The following FANCB variants were observed in gnomAD, a reference collection of about 807,000 sequenced individuals.
FANCB encodes Fanconi anemia group B protein.
A neutral mutation model predicts 38.9 loss-of-function variants in FANCB; 5 were observed. That is an observed-to-expected ratio of 0.13 (90% CI 0.07 to 0.27). The LOEUF (loss-of-function observed/expected upper bound fraction) is 0.27. Among genes scored for constraint, FANCB ranks in the 10% least tolerant of loss-of-function variants. The pLI, the probability that FANCB is intolerant of heterozygous loss-of-function variation, is 1.00. For missense variants in FANCB, 573 were observed against 602.7 expected (o/e 0.95, Z 0.52); for synonymous variants, 236 against 215.4 (o/e 1.10, Z -0.84).
chrX:14,788,965 C>CT, the FANCB span, among the ~76,000 whole-genome samples: 24 of 112,171 alleles, frequency 2.1e-4, no homozygotes, highest in Non-Finnish European at 3.2e-4. Context: ...TAAAAAAGAA[C>CT]TTTTCTTCAA....
the FANCB span, among the ~76,000 whole-genome samples, chrX:14,747,580 T>C: frequency 5.3e-5 from 6 of 112,638 alleles, no homozygotes; most frequent in African/African-American, 1.6e-4. Context: ...CAAATACAAC[T>C]GGCATTTAGA....
At chrX:14,735,321 T>C in the FANCB span, among the ~76,000 whole-genome samples, 1 of 111,251 alleles carries the variant, frequency 9.0e-6, no homozygotes, top group Non-Finnish European at 1.9e-5. Context: ...ATTCTGTTTT[T>C]CGGAATTTTC....
chrX:14,710,566 T>A, the FANCB span, among the ~76,000 whole-genome samples: 3 of 112,044 alleles, frequency 2.7e-5, no homozygotes, highest in Admixed American at 9.5e-5. Context: ...AAGGGACTTG[T>A]TGCCTAATTA....
At chrX:14,859,144 G>T (rs771795311) in intron 4 of FANCB, 38 bp downstream of exon 4, 2 of 1,000,236 alleles carry the variant, frequency 2.0e-6, no homozygotes, top group Non-Finnish European at 1.4e-6. Context: ...TTCTAAAATG[G>T]TTCTTAAAAT....
the FANCB span, among the ~76,000 whole-genome samples, chrX:14,757,363 A>G: frequency 1.8e-5 from 2 of 111,951 alleles, no homozygotes; most frequent in Non-Finnish European, 3.8e-5. Context: ...TGTCACTCGG[A>G]TGGACAGAGC....
the FANCB span, among the ~76,000 whole-genome samples, chrX:14,827,428 C>G: frequency 8.9e-6 from 1 of 111,825 alleles, no homozygotes; most frequent in Non-Finnish European, 1.9e-5. Context: ...TTTTTTCATT[C>G]AGATCTTACA....
chrX:14,849,773 T>G (rs2092392938), intron 7 of FANCB, among the ~76,000 whole-genome samples: 1 of 111,874 alleles, frequency 8.9e-6, no homozygotes, highest in Non-Finnish European at 1.9e-5. Context: ...CTATAGCATC[T>G]TAATTTCATA....
intron 10 of FANCB, among the ~76,000 whole-genome samples, chrX:14,837,661 G>A (rs1477661567): frequency 8.9e-6 from 1 of 112,215 alleles, no homozygotes. Flanking sequence ...TGTATTATGT[G>A]CAACTTTTCC....
chrX:14,789,210 T>C, the FANCB span, among the ~76,000 whole-genome samples: 1 of 111,874 alleles, frequency 8.9e-6, no homozygotes, highest in Non-Finnish European at 1.9e-5. Context: ...TGCTGGGGTA[T>C]ATTGTCTCAG....
At position 14,850,676 on chromosome X, in the gene FANCB, T is replaced by TAAAAAA; in HGVS notation, c.1327-8_1327-3dup. ...ACAAAGAGGAACAAGACATTCCTTC[T>TAAAAAA]AAAAAAAAAAGTTTAAATAACTGAT... On this transcript the variant is annotated splice_polypyrimidine_tract_variant and splice_region_variant and intron_variant, in intron 6 of 9. Coordinates refer to ENST00000650831, the MANE Select transcript of FANCB (RefSeq NM_001018113.3). The TAAAAAA allele has an allele frequency of 9.4e-7, 1 of 1,059,826 alleles. No individual in the cohort carries two copies. Among genetic ancestry groups the TAAAAAA allele is most frequent in the Admixed American group, 2.5e-5 (1 of 40,348 alleles). 87.3% of individuals were successfully genotyped at this position (1,059,826 alleles called of 1,213,427 possible). A position where few individuals can be genotyped will look rare whatever the true frequency, so the allele number is the denominator to read the frequency against.
the FANCB span, among the ~76,000 whole-genome samples, chrX:14,689,811 T>G: frequency 8.9e-6 from 1 of 112,259 alleles, no homozygotes; most frequent in Non-Finnish European, 1.9e-5. Flanking sequence ...TTCCTCCAAT[T>G]ATTTTTCCCT....
At chrX:14,765,876 T>A in the FANCB span, among the ~76,000 whole-genome samples, 1 of 112,057 alleles carries the variant, frequency 8.9e-6, no homozygotes, top group Non-Finnish European at 1.9e-5. Context: ...TACACATTAT[T>A]AAACATGCAG....
chrX:14,843,488 G>A lies in FANCB; in HGVS notation c.*79C>T, dbSNP rs757677526. 52 of 644,096 alleles carry A rather than the reference G, an allele frequency of 8.1e-5. No individual in the cohort carries two copies. The South Asian group carries it at 1.5e-3, about 18-fold the overall frequency. The allele number at this position is 644,096 out of a possible 1,213,427, so 53.1% of individuals were successfully genotyped here. A position where few individuals can be genotyped will look rare whatever the true frequency, so the allele number is the denominator to read the frequency against. On this transcript the variant is annotated 3_prime_UTR_variant, in exon 10 of 10. Coordinates refer to ENST00000650831, the MANE Select transcript of FANCB (RefSeq NM_001018113.3). ...AGCCTCGGTGTTTATTTTTACAAAG[G>A]AGGCATATAGCAAGTAGAACCAAAA...
chrX:14,782,200 T>C, the FANCB span, among the ~76,000 whole-genome samples: 1 of 111,580 alleles, frequency 9.0e-6, no homozygotes, highest in African/African-American at 3.3e-5. Flanking sequence ...AGGAGAAATA[T>C]CACTGTTTGT....
At chrX:14,755,151 C>T in the FANCB span, among the ~76,000 whole-genome samples, 1 of 111,582 alleles carries the variant, frequency 9.0e-6, no homozygotes, top group Non-Finnish European at 1.9e-5. Context: ...GAATGTACCT[C>T]AACGTAATAA....
the FANCB span, among the ~76,000 whole-genome samples, chrX:14,768,455 T>A: frequency 9.0e-6 from 1 of 111,475 alleles, no homozygotes; most frequent in South Asian, 3.7e-4. Context: ...GATTTGGCTC[T>A]CTGCTTGCCT....
chrX:14,731,301 CTTTAT>C, the FANCB span: 3 of 112,099 alleles, frequency 2.7e-5, no homozygotes, highest in Non-Finnish European at 3.8e-5. Flanking sequence ...TAAATGCCCA[CTTTAT>C]TTTATATCCA....
chrX:14,748,860 A>G, the FANCB span, among the ~76,000 whole-genome samples: 1 of 111,972 alleles, frequency 8.9e-6, no homozygotes, highest in Non-Finnish European at 1.9e-5. Context: ...TTTTAGAACG[A>G]AGGGCTCCTG....
Position 14,843,501 on chromosome X carries a change from A to C in FANCB, c.*66T>G, listed in dbSNP as rs143434225. Reference sequence around the variant, plus strand: ...ATTTTTACAAAGGAGGCATATAGCAAGTAGAACCAAAATCTTATATGGTGG... The same window carrying C: ...ATTTTTACAAAGGAGGCATATAGCACGTAGAACCAAAATCTTATATGGTGG... On this transcript the variant is annotated 3_prime_UTR_variant, in exon 10 of 10. Transcript: ENST00000650831. 1,014 of 843,767 alleles carry C rather than the reference A, an allele frequency of 1.2e-3. 7 individuals are homozygous for C. In the African/African-American group the frequency reaches 0.018, roughly 15 times the overall value. 69.5% of individuals were successfully genotyped at this position (843,767 alleles called of 1,213,427 possible). A position where few individuals can be genotyped will look rare whatever the true frequency, so the allele number is the denominator to read the frequency against.
Sources: gnomAD v4.1 joint callset for allele counts (sites outside exome capture counted in the v4.1 genomes callset) on GRCh38, gnomAD v4.1.1 for gene constraint, MANE v1.5 for transcripts, NCBI Gene and HGNC (gene_info 2026-07-23, HGNC 2026-07-21) for gene names.